The following ERBB4 variants were observed in gnomAD, a reference collection of about 807,000 sequenced individuals.
The protein encoded by ERBB4 is erb-b2 receptor tyrosine kinase 4, also known as receptor tyrosine-protein kinase erbB-4.
Under a neutral mutation model 158.0 loss-of-function variants are expected in ERBB4, and 42 were observed. The ratio of observed to expected loss-of-function variants is 0.27; its 90% CI spans 0.21 to 0.34. The LOEUF is 0.34. ERBB4 is among the 10% of genes least tolerant of loss of function. ERBB4 has a pLI of 1.00. For synonymous variants in ERBB4, 583 were observed against 558.7 expected, an observed-to-expected ratio of 1.04 and a Z score of -0.61; for missense variants, 1,333 against 1,624.1, an observed-to-expected ratio of 0.82 and a Z score of 3.08.
rs561371538 is a variant in ERBB4, at chr2:211,786,947, T to C, written c.556+1078A>G. On this transcript the variant is annotated intron_variant, in intron 4 of 27. Transcript: ENST00000342788. ...AAAGGGAAAATCCCATACAAATTTC[T>C]GTTCAAAGGTGACAAGAAAATTATG... is the stretch of plus-strand genomic sequence containing the variant. 3.3e-5 allele frequency among the ~76,000 whole-genome samples: 5 copies of C among 152,346 alleles called. 1 individual carries two copies. In the South Asian group the frequency reaches 1.0e-3, roughly 32 times the overall value.
intron 1 of ERBB4, among the ~76,000 whole-genome samples, chr2:212,431,175 G>C (rs962062065): frequency 2.6e-5 from 4 of 151,678 alleles, no homozygotes; most frequent in Middle Eastern, 6.8e-3. Flanking sequence ...TTGGATGGCA[G>C]GTGGCATAAT....
At chr2:211,673,873 T>C (rs1219206180) in intron 13 of ERBB4, among the ~76,000 whole-genome samples, 1 of 152,152 alleles carries the variant, frequency 6.6e-6, no homozygotes, top group Non-Finnish European at 1.5e-5. Flanking sequence ...CAACATCTTT[T>C]TGTAGTCTAA....
In ERBB4 at chr2:211,492,714, A is replaced by C. The variant is rs1158610442; in HGVS notation, c.2488-61614T>G. Among the ~76,000 whole-genome samples, 4 of 152,132 alleles carry C rather than the reference A, an allele frequency of 2.6e-5. No individual in the cohort carries two copies. In the East Asian group the frequency reaches 7.7e-4, roughly 29 times the overall value. The stretch of plus-strand genomic sequence containing the variant: ...TCTCTTAACCTCCATTCACACTGTC[A>C]AACTATATCTTGAGTCACAACAACT... On this transcript the variant is annotated intron_variant, in intron 20 of 27. Coordinates refer to ENST00000342788, the MANE Select transcript of ERBB4 (RefSeq NM_005235.3).
intron 19 of ERBB4, among the ~76,000 whole-genome samples, chr2:211,581,409 C>G (rs111808022): frequency 6.6e-6 from 1 of 152,118 alleles, no homozygotes; most frequent in African/African-American, 2.4e-5. Context: ...AACACACCTA[C>G]AGAAAGATAA....
At chr2:212,455,390 T>G (rs991057755) in intron 1 of ERBB4, among the ~76,000 whole-genome samples, 1 of 152,198 alleles carries the variant, frequency 6.6e-6, no homozygotes, top group South Asian at 2.1e-4. Context: ...AGTAGCAGCC[T>G]CTAGCCCTGA....
intron 2 of ERBB4, among the ~76,000 whole-genome samples, chr2:212,003,111 A>C (rs202020799): frequency 5.2e-5 from 2 of 38,342 alleles, no homozygotes; most frequent in Admixed American, 4.2e-4. Flanking sequence ...GAAAGAAAGA[A>C]AGAAGGAAGG....
At chr2:211,550,908 A>T (rs990343819) in intron 20 of ERBB4, among the ~76,000 whole-genome samples, 1 of 151,142 alleles carries the variant, frequency 6.6e-6, no homozygotes, top group Non-Finnish European at 1.5e-5. Flanking sequence ...ATACACCGAG[A>T]CACCGCAAGA....
intron 2 of ERBB4, among the ~76,000 whole-genome samples, chr2:212,061,580 C>T (rs999962839): frequency 1.4e-5 from 2 of 145,358 alleles, no homozygotes; most frequent in Non-Finnish European, 3.0e-5. Flanking sequence ...TCCATGATAA[C>T]AGTCATTAAA....
At chr2:212,300,730 AT>A (rs150169842) in intron 1 of ERBB4, among the ~76,000 whole-genome samples, 6 of 151,570 alleles carry the variant, frequency 4.0e-5, no homozygotes, top group African/African-American at 1.4e-4. Context: ...AACTACCTCG[AT>A]TTTTAGATGA....
intron 12 of ERBB4, among the ~76,000 whole-genome samples, chr2:211,694,304 G>A (rs1267171814): frequency 3.3e-5 from 5 of 152,084 alleles, no homozygotes; most frequent in Non-Finnish European, 7.4e-5. Flanking sequence ...CACTGATGTA[G>A]AGGCAAGTCA....
chr2:212,452,093 A>G (rs1182370227), intron 1 of ERBB4, among the ~76,000 whole-genome samples: 1 of 151,884 alleles, frequency 6.6e-6, no homozygotes, highest in African/African-American at 2.4e-5. Flanking sequence ...ATGGGTGGGA[A>G]AAATGTCATG....
intron 20 of ERBB4, among the ~76,000 whole-genome samples, chr2:211,528,242 A>T (rs1211113784): frequency 6.6e-6 from 1 of 152,062 alleles, no homozygotes; most frequent in East Asian, 1.9e-4. Flanking sequence ...TCAAGACAAA[A>T]ACTATAAGAG....
intron 2 of ERBB4, among the ~76,000 whole-genome samples, chr2:211,969,273 G>C (rs1361369892): frequency 1.3e-5 from 2 of 151,946 alleles, no homozygotes; most frequent in East Asian, 3.9e-4. Context: ...TGCACAGAAG[G>C]GTCTGAGCAA....
chr2:212,165,201 C>G (rs1274516883), intron 1 of ERBB4, among the ~76,000 whole-genome samples: 2 of 151,898 alleles, frequency 1.3e-5, no homozygotes, highest in African/African-American at 4.8e-5. Context: ...GAAACTGGTT[C>G]AATGAGTCAT....
chr2:211,565,145 AC>A (rs1236554965), intron 19 of ERBB4, among the ~76,000 whole-genome samples: 1 of 152,214 alleles, frequency 6.6e-6, no homozygotes, highest in East Asian at 1.9e-4. Context: ...TATGTATGTA[AC>A]AAAATTATAC....
chr2:212,058,258 A>C (rs2077643230), intron 2 of ERBB4, among the ~76,000 whole-genome samples: 2 of 152,222 alleles, frequency 1.3e-5, no homozygotes, highest in Non-Finnish European at 2.9e-5. Flanking sequence ...TGAATCTCTG[A>C]ATAGACCCAT....
At chr2:212,070,074 T>A (rs2078067428) in intron 2 of ERBB4, among the ~76,000 whole-genome samples, 1 of 152,054 alleles carries the variant, frequency 6.6e-6, no homozygotes, top group Non-Finnish European at 1.5e-5. Context: ...GAGCTACGAC[T>A]GTACCACTGT....
intron 1 of ERBB4, among the ~76,000 whole-genome samples, chr2:212,280,015 T>C (rs989551330): frequency 6.6e-6 from 1 of 151,676 alleles, no homozygotes; most frequent in African/African-American, 2.4e-5. Flanking sequence ...TTTTGATATC[T>C]GCAATTGAAT....
intron 1 of ERBB4, among the ~76,000 whole-genome samples, chr2:212,435,403 G>T (rs2092116294): frequency 1.3e-5 from 2 of 151,796 alleles, no homozygotes; most frequent in African/African-American, 4.8e-5. Context: ...AAATAATTCT[G>T]GGCAACACTT....
Sources: allele counts gnomAD v4.1 joint callset (sites outside exome capture counted in the v4.1 genomes callset), GRCh38; gene constraint gnomAD v4.1.1; transcripts MANE v1.5; gene names NCBI Gene and HGNC (gene_info 2026-07-23, HGNC 2026-07-21).